Variants in VPS35 observed in about 807,000 individuals in gnomAD.
VPS35 encodes the protein vacuolar protein sorting-associated protein 35.
A neutral mutation model predicts 98.1 loss-of-function variants in VPS35; 21 were observed. The ratio of observed to expected loss-of-function variants is 0.21; its 90% CI spans 0.15 to 0.31. The LOEUF is 0.31. Ranked by LOEUF, VPS35 falls within the 10% of genes least tolerant of loss-of-function variation. The pLI, the probability that VPS35 is intolerant of heterozygous loss-of-function variation, is 1.00. For missense variants in VPS35, 554 were observed against 950.8 expected (o/e 0.58, Z 5.49); for synonymous variants, 268 against 318.2 (o/e 0.84, Z 1.68).
At chr16:46,684,640 C>T (rs1966284838) in intron 1 of VPS35, among the ~76,000 whole-genome samples, 1 of 152,172 alleles carries the variant, frequency 6.6e-6, no homozygotes, top group Non-Finnish European at 1.5e-5. Flanking sequence ...TTTACATCTC[C>T]ACCACAGCAT....
At chr16:46,662,659 A>G (rs1330546209) in intron 14 of VPS35, among the ~76,000 whole-genome samples, 177 bp from the exon 15 acceptor site, 2 of 152,178 alleles carry the variant, frequency 1.3e-5, no homozygotes, top group Admixed American at 1.3e-4. Context: ...AAAACGCTAA[A>G]AAGTTGCAAT....
chr16:46,671,900 C>T, intron 11 of VPS35, 40 bp from the exon 12 acceptor site: 1 of 1,610,728 alleles, frequency 6.2e-7, no homozygotes, highest in East Asian at 2.2e-5. Flanking sequence ...TGAGGTGAAA[C>T]CATTGGCATA....
chr16:46,656,601 G>GT lies in VPS35; in HGVS notation c.*3870dup, dbSNP rs1273022447. ...CCCAGCAGTTATGAAGCGTCCAAAG[G>GT]TTTCCTTGTGTTTCTATTTCTCTAA... On this transcript the variant is annotated 3_prime_UTR_variant, in exon 17 of 17. Coordinates refer to ENST00000299138, the MANE Select transcript of VPS35 (RefSeq NM_018206.6). 5 of 152,178 alleles carry GT rather than the reference G, an allele frequency of 3.3e-5. No homozygotes were observed. Among genetic ancestry groups the GT allele is most frequent in the African/African-American group, 1.2e-4 (5 of 41,426 alleles). 9.4% of individuals were successfully genotyped at this position (152,178 alleles called of 1,614,324 possible).
intron 12 of VPS35, among the ~76,000 whole-genome samples, chr16:46,670,218 GTC>G: frequency 6.6e-6 from 1 of 152,334 alleles, no homozygotes; most frequent in East Asian, 1.9e-4. Flanking sequence ...CCTAGGGGCA[GTC>G]AGAGCTAATG....
Position 46,671,793 on chromosome 16 carries a change from G to C in VPS35, c.1436C>G (p.Pro479Arg). ...CTCATCAGCAAAATCTTCTGGATCA[G>C]GGTCTTCTACAGGTTGATCTGGCTG... is the stretch of plus-strand genomic sequence containing the variant. ...QDQPDQPVED[P>R]DPEDFADEQS... The change falls in exon 12 of 17, where the codon CCT (proline) becomes CGT (arginine). Residue 479 changes from proline (P) to arginine (R), a missense_variant. Pro to Arg is a moderately radical substitution (Grantham distance 103). This residue lies in a region of VPS35 where 254 missense variants were observed against 390.1 expected (regional missense o/e 0.65). Transcript: ENST00000299138. 6.2e-7 allele frequency: 1 copy of C among 1,613,994 alleles called. No homozygotes were observed. Among genetic ancestry groups the C allele is most frequent in the Non-Finnish European group, 8.5e-7 (1 of 1,179,996 alleles).
intron 1 of VPS35, chr16:46,688,423 C>A: frequency 1.0e-6 from 1 of 987,148 alleles, no homozygotes; most frequent in Non-Finnish European, 1.2e-6. Flanking sequence ...AGGAGAAGTA[C>A]TGCTTCCAGC....
At chr16:46,677,166 G>A in intron 7 of VPS35, 149 bp downstream of exon 7, 1 of 737,412 alleles carries the variant, frequency 1.4e-6, no homozygotes, top group Non-Finnish European at 2.3e-6. Flanking sequence ...AAACTGCTGA[G>A]ATTACAGGTG....
At position 46,663,068 on chromosome 16, in the gene VPS35, A is replaced by C. The variant is rs1386583083; in HGVS notation, c.1742T>G (p.Leu581Ter). ...LIKAELAELP[L>*]RLFLQGALAA... ...TAGTGCTCCTTGAAGAAAAAGTCTTAAGGGCAATTCTGCCAGCTCTGCTTT... is the reference window on the plus strand; with the variant it reads ...TAGTGCTCCTTGAAGAAAAAGTCTTCAGGGCAATTCTGCCAGCTCTGCTTT... The change falls in exon 14 of 17, where the codon TTA (leucine) becomes TGA (stop). Residue 581 changes from leucine (L) to a stop codon, truncating the protein, a stop_gained. Transcript: ENST00000299138. LOFTEE classifies it high-confidence loss of function. 1 of 1,614,224 alleles carries C rather than the reference A, an allele frequency of 6.2e-7. No homozygotes were observed. Among genetic ancestry groups the C allele is most frequent in the Non-Finnish European group, 8.5e-7 (1 of 1,180,036 alleles).
At position 46,661,700 on chromosome 16, in the gene VPS35, C is replaced by CTA; in HGVS notation, c.2211+17_2211+18insTA. The CTA allele has an allele frequency of 6.3e-7, 1 of 1,592,696 alleles. No individual in the cohort carries two copies. ...GGAAAATATTAGTTTATTAACAACA[C>CTA]TTTACTAATTCACTTACCGCATCAT... On this transcript the variant is annotated intron_variant, in intron 16 of 16. Coordinates refer to ENST00000299138, the MANE Select transcript of VPS35 (RefSeq NM_018206.6). This position sits in a 1 kb window ranked among gnomAD's most constrained non-coding sequence, Gnocchi z 4.3.
chr16:46,685,833 C>T (rs1247608941), intron 1 of VPS35, among the ~76,000 whole-genome samples: 1 of 152,070 alleles, frequency 6.6e-6, no homozygotes, highest in Non-Finnish European at 1.5e-5. Context: ...AACAGTGATA[C>T]ATCTGAATTT....
At position 46,683,602 on chromosome 16, in the gene VPS35, G is replaced by A; in HGVS notation, c.8C>T (p.Thr3Ile). 3 of 1,611,340 alleles carry A rather than the reference G, an allele frequency of 1.9e-6. No homozygotes were observed. Among genetic ancestry groups the A allele is most frequent in the Non-Finnish European group, 1.7e-6 (2 of 1,178,746 alleles). Reference protein sequence around the residue: MPTTQQSPQDEQE... With the variant: MPITQQSPQDEQE... ...CTCATCCTGAGGGGACTGCTGTGTT[G>A]TAGGCTGAAAAATAAAAAATTCCAC... The change falls in exon 2 of 17, where the codon ACA becomes ATA. Residue 3 changes from threonine (T) to isoleucine (I), a missense_variant. Coordinates refer to ENST00000299138, the MANE Select transcript of VPS35 (RefSeq NM_018206.6).
chr16:46,662,578 ACTTCTGC>A, intron 14 of VPS35, 96 bp from the exon 15 acceptor site: 1 of 1,572,360 alleles, frequency 6.4e-7, no homozygotes, highest in South Asian at 1.1e-5. Flanking sequence ...ATCCTGTGAG[ACTTCTGC>A]AGCCTTCATA....
rs1028942634 is a variant in VPS35, at chr16:46,658,548, T to C, written c.*1924A>G. 4.6e-5 allele frequency: 7 copies of C among 153,568 alleles called. No homozygotes were observed. Among genetic ancestry groups the C allele is most frequent in the African/African-American group, 1.2e-4 (5 of 41,476 alleles). The allele number at this position is 153,568 out of a possible 1,614,324, so 9.5% of individuals were successfully genotyped here. ...ATAAGAGATAATTTACACACTGTAC[T>C]GACATTACCTTACTTGCAAACCAAG... On this transcript the variant is annotated 3_prime_UTR_variant, in exon 17 of 17. Transcript: ENST00000299138.
In VPS35 at chr16:46,659,090, T is replaced by C. The variant is rs974392667; in HGVS notation, c.*1382A>G. ...GCCACCATGCTGTGAGGACACTCTA[T>C]GGAAGGGCCGTCAAGGAGAGGAACT... On this transcript the variant is annotated 3_prime_UTR_variant, in exon 17 of 17. Coordinates refer to ENST00000299138, the MANE Select transcript of VPS35 (RefSeq NM_018206.6). The C allele has an allele frequency of 3.3e-5, 5 of 152,346 alleles. No homozygotes were observed. The highest frequency in any genetic ancestry group is 1.5e-5 in the Non-Finnish European group (1 of 68,142). 9.4% of individuals were successfully genotyped at this position (152,346 alleles called of 1,614,324 possible). A position where few individuals can be genotyped will look rare whatever the true frequency, so the allele number is the denominator to read the frequency against.
rs767864451 is a variant in VPS35, at chr16:46,672,271, T to C, written c.1362A>G (p.Gln454=). ...VLDYNTEIVS[Q]DQVDSIMNLV... ...CACGTAGGTATTCTCTTACCTGGTCTTGAGAGACAATTTCTGTGTTATAAT... is the reference window on the plus strand; with the variant it reads ...CACGTAGGTATTCTCTTACCTGGTCCTGAGAGACAATTTCTGTGTTATAAT... Residue 454 remains glutamine, a synonymous_variant, in exon 11 of 17, where the codon CAA becomes CAG. Transcript: ENST00000299138. 1 of 1,613,608 alleles carries C rather than the reference T, an allele frequency of 6.2e-7. No individual in the cohort carries two copies. The highest frequency in any genetic ancestry group is 1.1e-5 in the South Asian group (1 of 91,066).
chr16:46,667,636 G>GTTTTC (rs1966009239), intron 13 of VPS35, among the ~76,000 whole-genome samples: 1 of 151,986 alleles, frequency 6.6e-6, no homozygotes, highest in Non-Finnish European at 1.5e-5. Flanking sequence ...TTTTCCCTAT[G>GTTTTC]TTTTCTTCTA....
chr16:46,664,584 T>C (rs935514385), intron 13 of VPS35, among the ~76,000 whole-genome samples: 18 of 152,030 alleles, frequency 1.2e-4, no homozygotes, highest in Non-Finnish European at 2.4e-4. Context: ...TGCAATGGCA[T>C]GATCTCAGCT....
Position 46,674,350 on chromosome 16 carries a change from G to T in VPS35, c.1124C>A (p.Thr375Lys), listed in dbSNP as rs762131827. The T allele has an allele frequency of 6.2e-7, 1 of 1,614,014 alleles. No individual in the cohort carries two copies. Among genetic ancestry groups the T allele is most frequent in the Admixed American group, 1.7e-5 (1 of 59,992 alleles). Reference sequence around the variant, plus strand: ...GAGCTTATTGAATATCTCCACTGTTGTTTCTAGAACTTTATCAACATAGTC... The same window carrying T: ...GAGCTTATTGAATATCTCCACTGTTTTTTCTAGAACTTTATCAACATAGTC... The part of the protein sequence containing the change: ...RVDYVDKVLE[T>K]TVEIFNKLNL... The change falls in exon 10 of 17, where the codon ACA (threonine) becomes AAA (lysine). Residue 375 changes from threonine (T) to lysine (K), a missense_variant. Around this residue, in one of 5 missense-constraint regions of VPS35, gnomAD observed 254 missense variants for 390.1 expected, o/e 0.65. Coordinates refer to ENST00000299138, the MANE Select transcript of VPS35 (RefSeq NM_018206.6).
At chr16:46,682,998 G>A (rs1966256920) in intron 2 of VPS35, 1 of 159,450 alleles carries the variant, frequency 6.3e-6, no homozygotes, top group East Asian at 1.8e-4. Flanking sequence ...GTAAATAAGT[G>A]TTAAGTATAA....
Sources: allele counts gnomAD v4.1 joint callset (sites outside exome capture counted in the v4.1 genomes callset), GRCh38; gene constraint gnomAD v4.1.1; regional missense constraint gnomAD v4.1.1; non-coding constraint Gnocchi (gnomAD v3.1); transcripts MANE v1.5; gene names NCBI Gene and HGNC (gene_info 2026-07-23, HGNC 2026-07-21).